The following NCEH1 variants were observed in gnomAD, a reference collection of about 807,000 sequenced individuals.
The protein encoded by NCEH1 is neutral cholesterol ester hydrolase 1, also known as 2-acetyl MAGE hydrolase.
NCEH1 carries 9 observed loss-of-function variants against 25.4 expected under a neutral mutation model. That is an observed-to-expected ratio of 0.35 (90% CI 0.21 to 0.62). The LOEUF (loss-of-function observed/expected upper bound fraction) is 0.62. Ranked by LOEUF, NCEH1 falls within the 20% of genes least tolerant of loss-of-function variation. The probability of loss-of-function intolerance (pLI) is 0.72; values close to 1 mark genes in which losing one functional copy is unlikely to be tolerated. For synonymous variants in NCEH1, 200 were observed against 199.8 expected (o/e 1.00, Z -0.01); for missense variants, 412 against 501.1 (o/e 0.82, Z 1.70).
chr3:172,669,549 G>C (rs1711509323), intron 1 of NCEH1, among the ~76,000 whole-genome samples: 1 of 152,082 alleles, frequency 6.6e-6, no homozygotes, highest in African/African-American at 2.4e-5. Context: ...CCATTTTAGT[G>C]GTTATTTATT....
chr3:172,658,438 A>G (rs917799770), intron 1 of NCEH1, among the ~76,000 whole-genome samples: 11 of 152,182 alleles, frequency 7.2e-5, no homozygotes, highest in African/African-American at 2.4e-4. Context: ...TTTGTCCCAC[A>G]TGAGGGCATG....
chr3:172,689,420 T>C (rs1280551705), intron 1 of NCEH1, among the ~76,000 whole-genome samples: 2 of 151,336 alleles, frequency 1.3e-5, no homozygotes, highest in African/African-American at 2.4e-5. Context: ...CTAATTTTTG[T>C]AGTTTTAGTA....
intron 1 of NCEH1, among the ~76,000 whole-genome samples, chr3:172,672,603 A>C (rs1366697124): frequency 1.3e-5 from 2 of 152,164 alleles, no homozygotes; most frequent in African/African-American, 2.4e-5. Context: ...TTAGAAGAAA[A>C]CTACAGAAGC....
chr3:172,693,537 G>T (rs893337524), intron 1 of NCEH1, among the ~76,000 whole-genome samples: 5 of 151,872 alleles, frequency 3.3e-5, no homozygotes, highest in African/African-American at 4.8e-5. Flanking sequence ...ATACCCAAAT[G>T]AAAGTCCAAC....
intron 1 of NCEH1, among the ~76,000 whole-genome samples, chr3:172,693,548 T>G (rs1713184739): frequency 6.6e-6 from 1 of 152,136 alleles, no homozygotes; most frequent in Non-Finnish European, 1.5e-5. Context: ...AAAGTCCAAC[T>G]CTTTAAAGCA....
intron 1 of NCEH1, among the ~76,000 whole-genome samples, chr3:172,657,769 T>C (rs1177316097): frequency 6.6e-6 from 1 of 152,218 alleles, no homozygotes; most frequent in African/African-American, 2.4e-5. Context: ...CATTGGAACC[T>C]CATTTCTCAC....
chr3:172,686,109 C>T (rs772157671), intron 1 of NCEH1, among the ~76,000 whole-genome samples: 2 of 152,212 alleles, frequency 1.3e-5, no homozygotes, highest in Non-Finnish European at 2.9e-5. Context: ...GAGAAATTTA[C>T]TTAACTCTGC....
Position 172,631,243 on chromosome 3 carries a change from G to A in NCEH1, c.*2232C>T, listed in dbSNP as rs866143885. 1 of 152,132 alleles carries A rather than the reference G, an allele frequency of 6.6e-6. No homozygotes were observed. The highest frequency in any genetic ancestry group is 1.5e-5 in the Non-Finnish European group (1 of 68,020). 9.4% of individuals were successfully genotyped at this position (152,132 alleles called of 1,614,324 possible). On this transcript the variant is annotated 3_prime_UTR_variant, in exon 5 of 5. Coordinates refer to ENST00000475381, the MANE Select transcript of NCEH1 (RefSeq NM_020792.6). The stretch of plus-strand genomic sequence containing the variant: ...GGAAAATGCCAATTGAAGGAACCCT[G>A]CCTATACATTTTATTTTCTTTTTCT...
intron 1 of NCEH1, among the ~76,000 whole-genome samples, chr3:172,691,671 C>T (rs1454366886): frequency 4.6e-5 from 7 of 152,276 alleles, no homozygotes; most frequent in South Asian, 4.1e-4. Context: ...GGGTGCTGGC[C>T]GGGCGCGGTG....
chr3:172,659,054 G>C (rs1717842628), intron 1 of NCEH1, among the ~76,000 whole-genome samples: 1 of 151,848 alleles, frequency 6.6e-6, no homozygotes, highest in Non-Finnish European at 1.5e-5. Flanking sequence ...AATCACCCAA[G>C]GTCACTCAGG....
chr3:172,706,777 A>G (rs987621277), intron 1 of NCEH1, among the ~76,000 whole-genome samples: 2 of 152,166 alleles, frequency 1.3e-5, no homozygotes, highest in African/African-American at 4.8e-5. Context: ...CTAGGATTAC[A>G]GGCATGAGCC....
intron 4 of NCEH1, among the ~76,000 whole-genome samples, chr3:172,635,010 A>C (rs1391834828): frequency 6.6e-6 from 1 of 152,196 alleles, no homozygotes; most frequent in Non-Finnish European, 1.5e-5. Context: ...CCCTGCAATC[A>C]GATGACACTG....
chr3:172,664,370 T>C (rs4345096), intron 1 of NCEH1, among the ~76,000 whole-genome samples: 51,231 of 152,012 alleles, frequency 0.34, 8,818 homozygotes, highest in South Asian at 0.38. Flanking sequence ...TAACCTGACC[T>C]TTCTCTCTGG....
intron 1 of NCEH1, among the ~76,000 whole-genome samples, chr3:172,701,226 A>G (rs966510761): frequency 7.2e-5 from 11 of 152,156 alleles, no homozygotes; most frequent in Admixed American, 2.6e-4. Context: ...CCCAAACTCT[A>G]TATCTTCACC....
At chr3:172,652,717 A>C (rs1717458728) in intron 1 of NCEH1, among the ~76,000 whole-genome samples, 1 of 152,076 alleles carries the variant, frequency 6.6e-6, no homozygotes, top group Admixed American at 6.5e-5. Context: ...TTTTTTTTAG[A>C]CAGAGTCTCA....
intron 1 of NCEH1, among the ~76,000 whole-genome samples, chr3:172,688,349 A>AAAAG (rs1560203723): frequency 3.3e-5 from 5 of 151,150 alleles, no homozygotes; most frequent in Admixed American, 6.6e-5. Context: ...AAAAAAAAAA[A>AAAAG]AAAGAAAATG....
chr3:172,669,856 T>C (rs1259761994), intron 1 of NCEH1, among the ~76,000 whole-genome samples: 1 of 152,212 alleles, frequency 6.6e-6, no homozygotes, highest in Non-Finnish European at 1.5e-5. Context: ...TTCAAAGGAC[T>C]TGTGTAGCAT....
intron 1 of NCEH1, among the ~76,000 whole-genome samples, chr3:172,710,508 G>T (rs953404251): frequency 6.6e-6 from 1 of 152,192 alleles, no homozygotes; most frequent in Non-Finnish European, 1.5e-5. Flanking sequence ...TGTGAAGAAG[G>T]GTGGTTTATA....
At chr3:172,667,673 A>G (rs1011731274) in intron 1 of NCEH1, among the ~76,000 whole-genome samples, 6 of 152,124 alleles carry the variant, frequency 3.9e-5, no homozygotes, top group African/African-American at 1.2e-4. Flanking sequence ...AAGGAAGGAG[A>G]CTAAGAGGAT....
Sources: gnomAD v4.1 joint callset for allele counts (sites outside exome capture counted in the v4.1 genomes callset) on GRCh38, gnomAD v4.1.1 for gene constraint, MANE v1.5 for transcripts, NCBI Gene and HGNC (gene_info 2026-07-23, HGNC 2026-07-21) for gene names.